The following PDE3B variants were observed in gnomAD, a reference collection of about 807,000 sequenced individuals.
PDE3B encodes the protein cGMP-inhibited 3',5'-cyclic phosphodiesterase 3B.
Under a neutral mutation model 116.8 loss-of-function variants are expected in PDE3B, and 66 were observed. The ratio of observed to expected loss-of-function variants is 0.56; its 90% CI spans 0.46 to 0.69. The LOEUF (loss-of-function observed/expected upper bound fraction) is 0.69. Ranked by LOEUF, PDE3B falls within the 30% of genes least tolerant of loss-of-function variation. The pLI, the probability that PDE3B is intolerant of heterozygous loss-of-function variation, is 0.00. For missense variants in PDE3B, 1,384 were observed against 1,368.1 expected (o/e 1.01, Z -0.18); for synonymous variants, 595 against 533.6 (o/e 1.12, Z -1.59).
chr11:14,891,446 TCA>T, the PDE3B span: 1 of 985,828 alleles, frequency 1.0e-6, no homozygotes, highest in Non-Finnish European at 1.2e-6. Flanking sequence ...GGCCCGCTTC[TCA>T]GTCAGGGGCG....
chr11:14,681,336 C>T (rs1192423861), intron 1 of PDE3B, among the ~76,000 whole-genome samples: 1 of 152,074 alleles, frequency 6.6e-6, no homozygotes, highest in East Asian at 1.9e-4. Flanking sequence ...CCACAATTCC[C>T]ATGTGTCATT....
At chr11:14,759,404 C>T (rs1349922754) in intron 1 of PDE3B, among the ~76,000 whole-genome samples, 1 of 152,122 alleles carries the variant, frequency 6.6e-6, no homozygotes, top group Non-Finnish European at 1.5e-5. Context: ...ATCTGCACAA[C>T]AAGTTTAAAT....
At chr11:14,791,172 A>G (rs1000013199) in intron 4 of PDE3B, among the ~76,000 whole-genome samples, 1 of 152,108 alleles carries the variant, frequency 6.6e-6, no homozygotes, top group African/African-American at 2.4e-5. Context: ...TGTTTTGTTC[A>G]GGAATCTTTA....
At chr11:14,692,391 A>G (rs1241202453) in intron 1 of PDE3B, among the ~76,000 whole-genome samples, 1 of 152,190 alleles carries the variant, frequency 6.6e-6, no homozygotes. Flanking sequence ...TATATGAAGT[A>G]TGCCTGTAAA....
At chr11:14,781,770 C>G (rs1163905493) in intron 2 of PDE3B, among the ~76,000 whole-genome samples, 1 of 152,176 alleles carries the variant, frequency 6.6e-6, no homozygotes, top group Non-Finnish European at 1.5e-5. Flanking sequence ...GTGCCTCTCT[C>G]TCACCACTCC....
At chr11:14,885,821 C>T in the PDE3B span, 1 of 1,613,472 alleles carries the variant, frequency 6.2e-7, no homozygotes, top group East Asian at 2.2e-5. Context: ...CATGGTCTGT[C>T]TGCAAAAATT....
intron 5 of PDE3B, among the ~76,000 whole-genome samples, chr11:14,808,086 C>T (rs1420881456): frequency 6.6e-6 from 1 of 151,106 alleles, no homozygotes; most frequent in Non-Finnish European, 1.5e-5. Flanking sequence ...AAGTAATCTT[C>T]TGACTGCTCA....
At chr11:14,736,828 G>A (rs941305857) in intron 1 of PDE3B, among the ~76,000 whole-genome samples, 1 of 152,142 alleles carries the variant, frequency 6.6e-6, no homozygotes, top group Non-Finnish European at 1.5e-5. Context: ...GATTAAAGGG[G>A]TGGGTTTTGA....
chr11:14,796,765 C>A (rs1403779557), intron 4 of PDE3B, among the ~76,000 whole-genome samples: 1 of 152,110 alleles, frequency 6.6e-6, no homozygotes, highest in Non-Finnish European at 1.5e-5. Context: ...TGGATATTAG[C>A]CCTTTGTCAG....
the PDE3B span, among the ~76,000 whole-genome samples, chr11:14,893,434 C>T: frequency 2.0e-5 from 3 of 152,178 alleles, no homozygotes; most frequent in South Asian, 6.2e-4. Flanking sequence ...TAAATTACCA[C>T]CAATCTGATG....
At chr11:14,693,526 C>CATT (rs1855111060) in intron 1 of PDE3B, among the ~76,000 whole-genome samples, 1 of 152,080 alleles carries the variant, frequency 6.6e-6, no homozygotes, top group Non-Finnish European at 1.5e-5. Flanking sequence ...ATCCTAGGGC[C>CATT]CTTAAGAATT....
At position 14,786,492 on chromosome 11, in the gene PDE3B, T is replaced by C. The variant is rs946315738; in HGVS notation, c.1085T>C (p.Met362Thr). ...TCAGTGCTAAATGAGGCTCGCAATATGGTGTCAGATCTTCTGACTGATCCA... is the reference window on the plus strand; with the variant it reads ...TCAGTGCTAAATGAGGCTCGCAATACGGTGTCAGATCTTCTGACTGATCCA... The part of the protein sequence containing the change: ...DLSVLNEARN[M>T]VSDLLTDPSL... Residue 362 changes from methionine (M) to threonine (T), a missense_variant, in exon 3 of 16, where the codon ATG becomes ACG. Met to Thr is a moderately conservative substitution (Grantham distance 81, BLOSUM62 -1). Transcript: ENST00000282096. The C allele has an allele frequency of 5.0e-6, 8 of 1,612,202 alleles. No homozygotes were observed. The highest frequency in any genetic ancestry group is 6.8e-6 in the Non-Finnish European group (8 of 1,178,436).
intron 1 of PDE3B, among the ~76,000 whole-genome samples, chr11:14,732,314 C>G (rs1271822058): frequency 6.6e-6 from 1 of 152,100 alleles, no homozygotes; most frequent in Non-Finnish European, 1.5e-5. Context: ...ATACTGGTAC[C>G]TAACTTTGCT....
chr11:14,836,392 C>A (rs1167548521), intron 11 of PDE3B, among the ~76,000 whole-genome samples: 1 of 151,918 alleles, frequency 6.6e-6, no homozygotes, highest in East Asian at 1.9e-4. Context: ...CTATGATGTA[C>A]TCATGTAATT....
intron 4 of PDE3B, among the ~76,000 whole-genome samples, chr11:14,797,706 C>T (rs532750239): frequency 6.6e-6 from 1 of 152,258 alleles, no homozygotes; most frequent in Non-Finnish European, 1.5e-5. Flanking sequence ...AATGGGAGTT[C>T]ACTCATGATT....
intron 1 of PDE3B, among the ~76,000 whole-genome samples, chr11:14,670,820 C>G (rs1854341405): frequency 6.6e-6 from 1 of 150,968 alleles, no homozygotes; most frequent in African/African-American, 2.4e-5. Flanking sequence ...CTGTTCCTAA[C>G]TACCTTCCAA....
intron 2 of PDE3B, 52 bp from the exon 3 acceptor site, chr11:14,786,385 A>C: frequency 7.3e-7 from 1 of 1,361,770 alleles, no homozygotes; most frequent in Non-Finnish European, 1.0e-6. Context: ...CATTTGTTAT[A>C]TCATTTATGC....
At chr11:14,666,720 A>C (rs1854166149) in intron 1 of PDE3B, among the ~76,000 whole-genome samples, 1 of 151,704 alleles carries the variant, frequency 6.6e-6, no homozygotes, top group Non-Finnish European at 1.5e-5. Context: ...AATGCAAATC[A>C]AAACCACAAT....
At chr11:14,770,074 T>C (rs1857595519) in intron 1 of PDE3B, among the ~76,000 whole-genome samples, 1 of 151,378 alleles carries the variant, frequency 6.6e-6, no homozygotes, top group South Asian at 2.1e-4. Context: ...CAAGTATTTG[T>C]CTCTGTTTGA....
Sources: allele counts gnomAD v4.1 joint callset (sites outside exome capture counted in the v4.1 genomes callset), GRCh38; gene constraint gnomAD v4.1.1; transcripts MANE v1.5; gene names NCBI Gene and HGNC (gene_info 2026-07-23, HGNC 2026-07-21).